The following ZC3HC1 variants were observed in gnomAD, a reference collection of about 807,000 sequenced individuals.
ZC3HC1 encodes zinc finger C3HC-type containing 1.
ZC3HC1 carries 38 observed loss-of-function variants against 61.9 expected under a neutral mutation model. The observed-to-expected ratio is 0.61, with a 90% CI of 0.47 to 0.81. The LOEUF (loss-of-function observed/expected upper bound fraction) is 0.81. Among genes scored for constraint, ZC3HC1 ranks in the 30% least tolerant of loss-of-function variants. The pLI is 0.00. For missense variants in ZC3HC1, 554 were observed against 622.7 expected, an observed-to-expected ratio of 0.89 and a Z score of 1.17; for synonymous variants, 213 against 229.9, an observed-to-expected ratio of 0.93 and a Z score of 0.67.
intron 9 of ZC3HC1, among the ~76,000 whole-genome samples, chr7:130,021,068 T>TC (rs979672479): frequency 1.3e-5 from 2 of 151,916 alleles, no homozygotes; most frequent in African/African-American, 4.8e-5. Context: ...TGGCAAATTT[T>TC]TTTTTTTTTT....
chr7:130,047,170 C>G (rs1252202426), intron 2 of ZC3HC1, among the ~76,000 whole-genome samples: 2 of 152,132 alleles, frequency 1.3e-5, no homozygotes, highest in East Asian at 3.9e-4. Flanking sequence ...ACCATGTTGG[C>G]CAGGCTGGTC....
rs1563073855 is a variant in ZC3HC1, at chr7:130,023,402, C to T, written c.1233+109G>A. On this transcript the variant is annotated intron_variant, in intron 8 of 9. Transcript: ENST00000358303. This position sits in a 1 kb window ranked among gnomAD's most constrained non-coding sequence, Gnocchi z 4.2. The stretch of plus-strand genomic sequence containing the variant: ...ACTTTAAATTTATTCACATGGTCTA[C>T]TTTTTGCATTGGACCACGGAAGGGC... 1 of 1,063,200 alleles carries T rather than the reference C, an allele frequency of 9.4e-7. No individual in the cohort carries two copies. Among genetic ancestry groups the T allele is most frequent in the Non-Finnish European group, 1.4e-6 (1 of 727,498 alleles). 65.9% of individuals were successfully genotyped at this position (1,063,200 alleles called of 1,614,324 possible).
Position 130,023,561 on chromosome 7 carries a change from T to G in ZC3HC1, c.1183A>C (p.Ser395Arg). The G allele has an allele frequency of 6.2e-7, 1 of 1,614,144 alleles. No individual in the cohort carries two copies. The highest frequency in any genetic ancestry group is 8.5e-7 in the Non-Finnish European group (1 of 1,180,040). Residue 395 changes from serine to arginine, a missense_variant, in exon 8 of 10, where the codon AGC (serine) becomes CGC (arginine). Ser to Arg is a moderately radical substitution (Grantham distance 110). Transcript: ENST00000358303. The surrounding 1 kb of genome is among the most constrained non-coding windows in gnomAD (Gnocchi z 4.2). ...GDTPGLEVPS[S>R]PLRKAKRARL... Reference sequence around the variant, plus strand: ...GCTCGCTTGGCTTTCCGCAGAGGGCTAGATGGTACCTCCAGGCCAGGGGTG... The same window carrying G: ...GCTCGCTTGGCTTTCCGCAGAGGGCGAGATGGTACCTCCAGGCCAGGGGTG...
chr7:130,020,597 C>T (rs1793597772), intron 9 of ZC3HC1, among the ~76,000 whole-genome samples: 2 of 151,928 alleles, frequency 1.3e-5, no homozygotes, highest in Admixed American at 1.3e-4. Context: ...CATCAGGATC[C>T]TTTACCACAC....
chr7:130,023,841 C>A lies in ZC3HC1; in HGVS notation c.1021-118G>T. The A allele has an allele frequency of 2.0e-6, 2 of 978,180 alleles. No individual in the cohort carries two copies. The highest frequency in any genetic ancestry group is 1.5e-6 in the Non-Finnish European group (1 of 682,612). 60.6% of individuals were successfully genotyped at this position (978,180 alleles called of 1,614,324 possible). The stretch of plus-strand genomic sequence containing the variant: ...TTGAGACAGAGTCTCGCTTTGTTGC[C>A]AAGGCTGGAGAGCAGTGAGGCGATC... On this transcript the variant is annotated intron_variant, in intron 7 of 9. Coordinates refer to ENST00000358303, the MANE Select transcript of ZC3HC1 (RefSeq NM_016478.5). The surrounding 1 kb of genome is among the most constrained non-coding windows in gnomAD (Gnocchi z 4.2).
At chr7:130,040,907 A>G (rs751679086) in intron 3 of ZC3HC1, 44 bp downstream of exon 3, 2 of 1,566,996 alleles carry the variant, frequency 1.3e-6, no homozygotes, top group Non-Finnish European at 1.7e-6. Flanking sequence ...AGGATAGTAT[A>G]TATTTGAGTG....
chr7:130,025,578 C>T (rs909926889), intron 6 of ZC3HC1, among the ~76,000 whole-genome samples: 3 of 151,718 alleles, frequency 2.0e-5, no homozygotes, highest in African/African-American at 4.8e-5. Flanking sequence ...GTTTATAGAA[C>T]ACAAATTCAG....
chr7:130,023,647 G>T lies in ZC3HC1; in HGVS notation c.1097C>A (p.Pro366Gln). 2 of 1,614,174 alleles carry T rather than the reference G, an allele frequency of 1.2e-6. No individual in the cohort carries two copies. The highest frequency in any genetic ancestry group is 1.7e-6 in the Non-Finnish European group (2 of 1,180,030). ...DSSSPVDRPE[P>Q]EAASPTTRTR... ...TCTGGTGGTGGGGCTAGCAGCCTCT[G>T]GCTCAGGACGGTCAACAGGACTGGA... The change falls in exon 8 of 10, where the codon CCA (proline) becomes CAA (glutamine). Residue 366 changes from proline (P) to glutamine (Q), a missense_variant. By Grantham distance (76) the Pro-to-Gln change is moderately conservative. Transcript: ENST00000358303. This position sits in a 1 kb window ranked among gnomAD's most constrained non-coding sequence, Gnocchi z 4.2.
In ZC3HC1 at chr7:130,023,548, T is replaced by C. The variant is rs1322458809; in HGVS notation, c.1196A>G (p.Lys399Arg). The C allele has an allele frequency of 1.9e-6, 3 of 1,614,198 alleles. No homozygotes were observed. The highest frequency in any genetic ancestry group is 2.5e-6 in the Non-Finnish European group (3 of 1,180,038). ...GLEVPSSPLR[K>R]AKRARLCSSS... ...GGAGCAGAGGCGAGCTCGCTTGGCT[T>C]TCCGCAGAGGGCTAGATGGTACCTC... The change falls in exon 8 of 10, where the codon AAA becomes AGA. Residue 399 changes from lysine (K) to arginine (R), a missense_variant. Physicochemically the swap from Lys to Arg is conservative, Grantham distance 26. Coordinates refer to ENST00000358303, the MANE Select transcript of ZC3HC1 (RefSeq NM_016478.5). This position sits in a 1 kb window ranked among gnomAD's most constrained non-coding sequence, Gnocchi z 4.2.
chr7:130,045,022 A>T (rs1794810240), intron 2 of ZC3HC1, among the ~76,000 whole-genome samples: 1 of 152,230 alleles, frequency 6.6e-6, no homozygotes. Context: ...GTACTGTGTG[A>T]TTCTCAACTG....
intron 3 of ZC3HC1, 54 bp from the exon 4 acceptor site, chr7:130,039,601 C>A: frequency 7.6e-7 from 1 of 1,321,064 alleles, no homozygotes; most frequent in Non-Finnish European, 1.1e-6. Flanking sequence ...GATTCAAAAT[C>A]CAATGAATGG....
intron 1 of ZC3HC1, among the ~76,000 whole-genome samples, chr7:130,049,663 G>A (rs966600611): frequency 2.6e-5 from 4 of 151,846 alleles, no homozygotes; most frequent in African/African-American, 9.7e-5. Flanking sequence ...TCCTGCCTCG[G>A]CCTCCCCAGT....
In ZC3HC1 at chr7:130,051,307, T is replaced by C; in HGVS notation, c.60A>G (p.Ala20=). 6.2e-7 allele frequency: 1 copy of C among 1,613,364 alleles called. No homozygotes were observed. Among genetic ancestry groups the C allele is most frequent in the Non-Finnish European group, 8.5e-7 (1 of 1,179,638 alleles). The change falls in exon 1 of 10, where the codon GCA becomes GCG. Residue 20 remains alanine (A), a synonymous_variant. Transcript: ENST00000358303. ...FAVGVEKNWG[A]VVRSPEGTPQ... ...GGGTCCCTTCTGGGGAGCGAACTAC[T>C]GCACCCCAATTCTTTTCAACCCCTA...
At chr7:130,038,398 C>A (rs994204953) in intron 4 of ZC3HC1, among the ~76,000 whole-genome samples, 1 of 152,212 alleles carries the variant, frequency 6.6e-6, no homozygotes. Flanking sequence ...CCCTGTTTAA[C>A]TTCCACCATT....
intron 2 of ZC3HC1, 123 bp downstream of exon 2, chr7:130,048,910 C>T (rs1183968303): frequency 6.2e-6 from 4 of 644,544 alleles, no homozygotes; most frequent in Non-Finnish European, 9.4e-6. Context: ...GCTGACTTTC[C>T]TATATAATTT....
intron 4 of ZC3HC1, among the ~76,000 whole-genome samples, chr7:130,038,753 G>A (rs766593744): frequency 2.6e-5 from 4 of 151,570 alleles, no homozygotes; most frequent in Admixed American, 6.6e-5. Flanking sequence ...CCAGCTACTC[G>A]GGAGGCTGAG....
At chr7:130,018,753 TATTAGTG>T (rs752367163) in intron 9 of ZC3HC1, 21 bp from the exon 10 acceptor site, 2 of 1,593,058 alleles carry the variant, frequency 1.3e-6, no homozygotes, top group South Asian at 2.2e-5. Flanking sequence ...AAAAGCTTAT[TATTAGTG>T]ATTACGTTCT....
chr7:130,039,677 ATAATCT>A (rs1233830379), intron 3 of ZC3HC1, 130 bp from the exon 4 acceptor site: 8 of 617,210 alleles, frequency 1.3e-5, no homozygotes, highest in South Asian at 2.9e-5. Flanking sequence ...TATCAAGTAC[ATAATCT>A]TAATATTTTT....
intron 9 of ZC3HC1, 73 bp from the exon 10 acceptor site, chr7:130,018,805 A>T: frequency 7.4e-7 from 1 of 1,357,892 alleles, no homozygotes; most frequent in Non-Finnish European, 1.0e-6. Context: ...TTTGTCCCAC[A>T]ATGATCTGGA....
Sources: allele counts gnomAD v4.1 joint callset (sites outside exome capture counted in the v4.1 genomes callset), GRCh38; gene constraint gnomAD v4.1.1; non-coding constraint Gnocchi (gnomAD v3.1); transcripts MANE v1.5; gene names NCBI Gene and HGNC (gene_info 2026-07-23, HGNC 2026-07-21).